The following STAU1 variants were observed in gnomAD, a reference collection of about 807,000 sequenced individuals.
STAU1 encodes the protein double-stranded RNA-binding protein Staufen homolog 1.
In STAU1, 13 loss-of-function variants were observed where a neutral mutation model predicts 62.9. That is an observed-to-expected ratio of 0.21 (90% confidence interval 0.13 to 0.33). STAU1 has a LOEUF of 0.33. Among genes scored for constraint, STAU1 ranks in the 10% least tolerant of loss-of-function variants. The pLI is 1.00. For missense variants in STAU1, 571 were observed against 712.1 expected, an observed-to-expected ratio of 0.80 and a Z score of 2.25; for synonymous variants, 269 against 265.1, an observed-to-expected ratio of 1.01 and a Z score of -0.14.
At chr20:49,205,363 G>GTTTTTTT in the STAU1 span, among the ~76,000 whole-genome samples, 2 of 118,126 alleles carry the variant, frequency 1.7e-5, no homozygotes, top group Admixed American at 9.8e-5. Context: ...CTTTATGACA[G>GTTTTTTT]TTTTTTTTTT....
In STAU1 at chr20:49,154,067, G is replaced by GTAGAA; in HGVS notation, c.209_210insTTCTA (p.Ile71SerfsTer3). 1 of 1,595,334 alleles carries GTAGAA rather than the reference G, an allele frequency of 6.3e-7. No individual in the cohort carries two copies. Among genetic ancestry groups the GTAGAA allele is most frequent in the Non-Finnish European group, 8.5e-7 (1 of 1,175,302 alleles). ...CATTTAGTTCTACAGTAGGGGTTAT[G>GTAGAA]CTTTCTGCAAGAAAGAATCGACAAA... On this transcript the variant is annotated frameshift_variant, in exon 4 of 14. Transcript: ENST00000371856. LOFTEE classifies it high-confidence loss of function.
intron 1 of STAU1, among the ~76,000 whole-genome samples, chr20:49,177,881 T>C (rs1568936111): frequency 6.6e-6 from 1 of 151,930 alleles, no homozygotes; most frequent in Non-Finnish European, 1.5e-5. Context: ...CTGAGATTCA[T>C]ACAAACATTC....
chr20:49,192,990 G>C (rs1033087642), upstream of STAU1, among the ~76,000 whole-genome samples: 5 of 152,132 alleles, frequency 3.3e-5, no homozygotes, highest in Non-Finnish European at 7.3e-5. Flanking sequence ...AATTAAAATA[G>C]TTAGATGCTA....
At chr20:49,165,183 T>A (rs1484572855) in intron 3 of STAU1, among the ~76,000 whole-genome samples, 1 of 152,100 alleles carries the variant, frequency 6.6e-6, no homozygotes, top group Non-Finnish European at 1.5e-5. Flanking sequence ...TAGCTGGGAC[T>A]ACAGGCACGC....
At chr20:49,115,888 G>T (rs1555831267) in intron 12 of STAU1, 21 bp from the exon 13 acceptor site, 2 of 1,611,312 alleles carry the variant, frequency 1.2e-6, no homozygotes, top group Non-Finnish European at 1.7e-6. Context: ...TGGAAAGAAG[G>T]GTAAAGCCAC....
intron 1 of STAU1, among the ~76,000 whole-genome samples, chr20:49,176,040 C>T (rs1323941921): frequency 1.3e-5 from 2 of 151,990 alleles, no homozygotes; most frequent in Non-Finnish European, 2.9e-5. Flanking sequence ...GTGATCCGCC[C>T]GCCTCGGCCT....
At chr20:49,128,216 C>T (rs2092674563) in intron 6 of STAU1, among the ~76,000 whole-genome samples, 2 of 151,840 alleles carry the variant, frequency 1.3e-5, no homozygotes, top group Admixed American at 1.3e-4. Context: ...GCCCCAGCTA[C>T]TTGGGAGGCT....
At chr20:49,170,494 G>A (rs1568922469) in intron 2 of STAU1, among the ~76,000 whole-genome samples, 1 of 152,094 alleles carries the variant, frequency 6.6e-6, no homozygotes, top group Admixed American at 6.6e-5. Context: ...GGAACTACAG[G>A]TGTGTACCAC....
chr20:49,169,107 C>T (rs2093565037), intron 2 of STAU1, among the ~76,000 whole-genome samples: 1 of 152,038 alleles, frequency 6.6e-6, no homozygotes, highest in Admixed American at 6.6e-5. Flanking sequence ...TGTACCACCA[C>T]ACCCGGCTAA....
chr20:49,173,654 G>A (rs916404649), intron 2 of STAU1, among the ~76,000 whole-genome samples: 1 of 152,134 alleles, frequency 6.6e-6, no homozygotes, highest in Non-Finnish European at 1.5e-5. Flanking sequence ...TTAAAAGCAG[G>A]AAGCAGTATT....
rs575415725 is a variant in STAU1, at chr20:49,113,843, G to A, written c.*1035C>T. On this transcript the variant is annotated 3_prime_UTR_variant, in exon 14 of 14. Transcript: ENST00000371856. ...TGGAGATCATATCCTGTAGTGTAGT[G>A]AAAGCTAAGTCCTCAAGAGCCATAT... 7 of 152,736 alleles carry A rather than the reference G, an allele frequency of 4.6e-5. No homozygotes were observed. Among genetic ancestry groups the A allele is most frequent in the African/African-American group, 1.7e-4 (7 of 41,566 alleles). 9.5% of individuals were successfully genotyped at this position (152,736 alleles called of 1,614,324 possible).
chr20:49,205,240 C>T, the STAU1 span, among the ~76,000 whole-genome samples: 5 of 152,050 alleles, frequency 3.3e-5, no homozygotes, highest in African/African-American at 9.7e-5. Context: ...TGATGGAGAG[C>T]GTTTTGGTCA....
chr20:49,148,424 G>A (rs1243947689), intron 5 of STAU1, among the ~76,000 whole-genome samples: 1 of 152,190 alleles, frequency 6.6e-6, no homozygotes, highest in Non-Finnish European at 1.5e-5. Flanking sequence ...CATTACGTAT[G>A]ATGGAAATAT....
intron 5 of STAU1, among the ~76,000 whole-genome samples, chr20:49,147,118 T>C (rs2093146689): frequency 6.6e-6 from 1 of 152,230 alleles, no homozygotes; most frequent in Admixed American, 6.5e-5. Context: ...TCAGCCGAAA[T>C]GTCTCTTCCT....
At chr20:49,165,669 C>G (rs910240447) in intron 3 of STAU1, among the ~76,000 whole-genome samples, 4 of 152,210 alleles carry the variant, frequency 2.6e-5, no homozygotes, top group African/African-American at 9.6e-5. Flanking sequence ...GCAGAATTAT[C>G]CCATACAACG....
At chr20:49,171,590 A>G (rs920534493) in intron 2 of STAU1, among the ~76,000 whole-genome samples, 3 of 152,142 alleles carry the variant, frequency 2.0e-5, no homozygotes, top group African/African-American at 7.2e-5. Flanking sequence ...CCCAGCCTAT[A>G]CCAGTTATTT....
intron 1 of STAU1, among the ~76,000 whole-genome samples, chr20:49,176,434 G>A (rs1197504279): frequency 6.6e-6 from 1 of 152,124 alleles, no homozygotes; most frequent in Non-Finnish European, 1.5e-5. Context: ...TTAAATGGTA[G>A]TTGTCAGTAG....
intron 2 of STAU1, among the ~76,000 whole-genome samples, chr20:49,171,042 T>C (rs2093590337): frequency 6.6e-6 from 1 of 152,218 alleles, no homozygotes; most frequent in Non-Finnish European, 1.5e-5. Context: ...AAATGGCAGA[T>C]TGCACATTCT....
Position 49,114,824 on chromosome 20 carries a change from A to G in STAU1, c.*54T>C. Reference sequence around the variant, plus strand: ...AATTCCAAATTTTCAAAGCAGTTTCAGTATTTTCAGTATATATGTTGGGAT... The same window carrying G: ...AATTCCAAATTTTCAAAGCAGTTTCGGTATTTTCAGTATATATGTTGGGAT... On this transcript the variant is annotated 3_prime_UTR_variant, in exon 14 of 14. Transcript: ENST00000371856. 1.3e-6 allele frequency: 2 copies of G among 1,583,526 alleles called. No individual in the cohort carries two copies. Among genetic ancestry groups the G allele is most frequent in the South Asian group, 2.2e-5 (2 of 89,872 alleles).
Sources: allele counts gnomAD v4.1 joint callset (sites outside exome capture counted in the v4.1 genomes callset), GRCh38; gene constraint gnomAD v4.1.1; transcripts MANE v1.5; gene names NCBI Gene and HGNC (gene_info 2026-07-23, HGNC 2026-07-21).